The following C16orf87 variants were observed in gnomAD, a reference collection of about 807,000 sequenced individuals.
The protein encoded by C16orf87 is UPF0547 protein C16orf87.
A neutral mutation model predicts 21.0 loss-of-function variants in C16orf87; 13 were observed. The ratio of observed to expected loss-of-function variants is 0.62; its 90% CI spans 0.40 to 0.98. C16orf87 has a LOEUF of 0.98. C16orf87 is among the 50% of genes least tolerant of loss of function. The pLI is 0.00. For synonymous variants in C16orf87, 49 were observed against 60.2 expected (o/e 0.81, Z 0.86); for missense variants, 113 against 180.4 (o/e 0.63, Z 2.14).
At chr16:46,815,550 C>A (rs564325742) in intron 2 of C16orf87, among the ~76,000 whole-genome samples, 6 of 151,628 alleles carry the variant, frequency 4.0e-5, no homozygotes, top group South Asian at 4.2e-4. Flanking sequence ...ACAACAACAA[C>A]AAAAAAAATC....
chr16:46,810,580 G>A (rs1167777455), intron 2 of C16orf87, among the ~76,000 whole-genome samples: 1 of 151,660 alleles, frequency 6.6e-6, no homozygotes, highest in Non-Finnish European at 1.5e-5. Context: ...GTGGTAAAGG[G>A]GCAAAACAAA....
chr16:46,830,158 G>T (rs1959783918), intron 1 of C16orf87, among the ~76,000 whole-genome samples: 1 of 152,054 alleles, frequency 6.6e-6, no homozygotes, highest in African/African-American at 2.4e-5. Context: ...AGCGATCACT[G>T]AAATGAGATG....
Position 46,802,905 on chromosome 16 carries a change from G to T in C16orf87, c.*47C>A. ...AGAGTCCATAACTGTTTGAGAATTT[G>T]CTGATGTTATCCTGACAGAAGTTTC... On this transcript the variant is annotated 3_prime_UTR_variant, in exon 4 of 4. Coordinates refer to ENST00000285697, the MANE Select transcript of C16orf87 (RefSeq NM_001001436.4). The T allele has an allele frequency of 1.1e-6, 1 of 872,742 alleles. No individual in the cohort carries two copies. Among genetic ancestry groups the T allele is most frequent in the Non-Finnish European group, 2.0e-6 (1 of 512,528 alleles). 54.1% of individuals were successfully genotyped at this position (872,742 alleles called of 1,614,324 possible). A position where few individuals can be genotyped will look rare whatever the true frequency, so the allele number is the denominator to read the frequency against.
At chr16:46,824,886 G>C (rs1275958082) in intron 1 of C16orf87, among the ~76,000 whole-genome samples, 1 of 151,918 alleles carries the variant, frequency 6.6e-6, no homozygotes, top group Non-Finnish European at 1.5e-5. Context: ...GGTTGGTCTT[G>C]AACTCCTCAC....
chr16:46,812,163 G>A (rs1968107013), intron 2 of C16orf87, among the ~76,000 whole-genome samples: 2 of 152,004 alleles, frequency 1.3e-5, no homozygotes, highest in African/African-American at 4.8e-5. Context: ...AGAATTGTTT[G>A]AACCCAGGAG....
At chr16:46,823,315 G>T (rs1382110375) in intron 2 of C16orf87, among the ~76,000 whole-genome samples, 1 of 152,210 alleles carries the variant, frequency 6.6e-6, no homozygotes, top group Non-Finnish European at 1.5e-5. Flanking sequence ...GTAGAATTCA[G>T]TGCTTTGTGC....
At chr16:46,811,894 G>A (rs1968096076) in intron 2 of C16orf87, among the ~76,000 whole-genome samples, 1 of 152,200 alleles carries the variant, frequency 6.6e-6, no homozygotes, top group Non-Finnish European at 1.5e-5. Context: ...TTTGAGACCA[G>A]CCTGGGCCAC....
intron 1 of C16orf87, 78 bp downstream of exon 1, chr16:46,831,006 C>G (rs989389582): frequency 8.3e-7 from 1 of 1,198,838 alleles, no homozygotes; most frequent in Non-Finnish European, 1.2e-6. Flanking sequence ...CCTCCGGGAG[C>G]CCGGCGAGGC....
intron 2 of C16orf87, among the ~76,000 whole-genome samples, chr16:46,819,764 C>T (rs984689199): frequency 6.6e-6 from 1 of 151,296 alleles, no homozygotes; most frequent in Non-Finnish European, 1.5e-5. Flanking sequence ...TACCTGAGGT[C>T]GGGAGTTTGA....
intron 2 of C16orf87, among the ~76,000 whole-genome samples, chr16:46,819,821 A>G (rs1443453204): frequency 1.3e-5 from 2 of 151,838 alleles, no homozygotes; most frequent in African/African-American, 2.4e-5. Flanking sequence ...CTAAAAATAC[A>G]AAATTAGCCG....
At chr16:46,823,580 C>A (rs545962467) in intron 2 of C16orf87, among the ~76,000 whole-genome samples, 1 of 152,114 alleles carries the variant, frequency 6.6e-6, no homozygotes, top group South Asian at 2.1e-4. Flanking sequence ...ACATAGTCAA[C>A]ATGTCTAAAA....
intron 3 of C16orf87, among the ~76,000 whole-genome samples, chr16:46,806,606 A>G: frequency 6.6e-6 from 1 of 152,196 alleles, no homozygotes; most frequent in Non-Finnish European, 1.5e-5. Context: ...TGCCTAACAT[A>G]TTTTAATCAG....
chr16:46,817,458 G>A (rs538221663), intron 2 of C16orf87, among the ~76,000 whole-genome samples: 1 of 152,110 alleles, frequency 6.6e-6, no homozygotes, highest in African/African-American at 2.4e-5. Flanking sequence ...AGGCAGAGGC[G>A]GGCAGCTCCA....
At chr16:46,816,172 G>A (rs1968232460) in intron 2 of C16orf87, among the ~76,000 whole-genome samples, 1 of 152,172 alleles carries the variant, frequency 6.6e-6, no homozygotes, top group Non-Finnish European at 1.5e-5. Flanking sequence ...ACATGAGATG[G>A]CTAGAGCAGT....
Position 46,801,147 on chromosome 16 carries a change from A to G in C16orf87, c.*1805T>C, listed in dbSNP as rs1373836076. On this transcript the variant is annotated 3_prime_UTR_variant, in exon 4 of 4. Transcript: ENST00000285697. ...TTTTAAGCTTTTTTACTTAAAATCA[A>G]AAGTTTCCTTACAGTATGTTTCAAA... 2.6e-5 allele frequency: 4 copies of G among 152,352 alleles called. No individual in the cohort carries two copies. The highest frequency in any genetic ancestry group is 9.6e-5 in the African/African-American group (4 of 41,584). 9.4% of individuals were successfully genotyped at this position (152,352 alleles called of 1,614,324 possible).
chr16:46,798,749 AAAAAG>A lies in C16orf87; in HGVS notation c.*4198_*4202del, dbSNP rs1433523092. ...ACAGAGTGAGACTCCGTGTCAAAAA[AAAAAG>A]AAAAGAAAAGCTATCAGTATGTTTC... On this transcript the variant is annotated 3_prime_UTR_variant, in exon 4 of 4. Transcript: ENST00000285697. The A allele has an allele frequency of 2.0e-5, 3 of 152,436 alleles. No homozygotes were observed. Among genetic ancestry groups the A allele is most frequent in the Non-Finnish European group, 4.4e-5 (3 of 68,244 alleles). The allele number at this position is 152,436 out of a possible 1,614,324, so 9.4% of individuals were successfully genotyped here.
At chr16:46,817,879 C>A in intron 2 of C16orf87, among the ~76,000 whole-genome samples, 1 of 125,982 alleles carries the variant, frequency 7.9e-6, no homozygotes, top group Non-Finnish European at 1.6e-5. Context: ...AAAGTACAGG[C>A]TCAGAGGTAA....
At chr16:46,818,479 G>C (rs1336586742) in intron 2 of C16orf87, among the ~76,000 whole-genome samples, 1 of 151,812 alleles carries the variant, frequency 6.6e-6, no homozygotes, top group Admixed American at 6.6e-5. Flanking sequence ...TTATTTATTT[G>C]ACTATGCTTA....
In C16orf87 at chr16:46,801,371, A is replaced by AC. The variant is rs397693805; in HGVS notation, c.*1580dup. On this transcript the variant is annotated 3_prime_UTR_variant, in exon 4 of 4. Transcript: ENST00000285697. ...TGTACTAAAAAATACAAAAAAAAAAACAGCCAGGCGTGGTGGCGCACGCCT... is the reference window on the plus strand; with the variant it reads ...TGTACTAAAAAATACAAAAAAAAAAACCAGCCAGGCGTGGTGGCGCACGCCT... The AC allele has an allele frequency of 2.6e-5, 4 of 151,204 alleles. No individual in the cohort carries two copies. The highest frequency in any genetic ancestry group is 2.0e-4 in the East Asian group (1 of 5,126). The allele number at this position is 151,204 out of a possible 1,614,324, so 9.4% of individuals were successfully genotyped here. A position where few individuals can be genotyped will look rare whatever the true frequency, so the allele number is the denominator to read the frequency against.
Sources: allele counts gnomAD v4.1 joint callset (sites outside exome capture counted in the v4.1 genomes callset), GRCh38; gene constraint gnomAD v4.1.1; transcripts MANE v1.5; gene names NCBI Gene and HGNC (gene_info 2026-07-23, HGNC 2026-07-21).